ERC1: variants seen among roughly 807,000 people sequenced by gnomAD.
The protein encoded by ERC1 is RAB6 interacting protein 2.
In ERC1, 56 loss-of-function variants were observed where a neutral mutation model predicts 132.0. That is an observed-to-expected ratio of 0.42 (90% CI 0.34 to 0.53). The LOEUF (loss-of-function observed/expected upper bound fraction) is 0.53, where lower values mean the gene tolerates loss of function less well. Among genes scored for constraint, ERC1 ranks in the 20% least tolerant of loss-of-function variants. The pLI, the probability that ERC1 is intolerant of heterozygous loss-of-function variation, is 0.03. For synonymous variants in ERC1, 478 were observed against 476.1 expected (o/e 1.00, Z -0.05); for missense variants, 1,202 against 1,349.9 (o/e 0.89, Z 1.72).
In ERC1 at chr12:1,182,048, G is replaced by A. The variant is rs1039473470; in HGVS notation, c.1999G>A (p.Asp667Asn). Residue 667 changes from aspartate (D) to asparagine (N), a missense_variant, in exon 10 of 19, where the codon GAC becomes AAC. Physicochemically the swap from Asp to Asn is conservative, Grantham distance 23. Transcript: ENST00000360905. ...GGAAAAAGTCAGCCTGTTGCAAGGCGACCTTTCAGAGAAAGAGGTTAAGCT... is the reference window on the plus strand; with the variant it reads ...GGAAAAAGTCAGCCTGTTGCAAGGCAACCTTTCAGAGAAAGAGGTTAAGCT... Reference protein sequence around the residue: ...LKEKVSLLQGDLSEKEASLLD... With the variant: ...LKEKVSLLQGNLSEKEASLLD... The A allele has an allele frequency of 8.1e-6, 13 of 1,613,708 alleles. No individual in the cohort carries two copies. The East Asian group carries it at 8.9e-5, about 11-fold the overall frequency.
chr12:1,361,691 G>A (rs1303760551), intron 15 of ERC1, among the ~76,000 whole-genome samples: 1 of 152,156 alleles, frequency 6.6e-6, no homozygotes, highest in Non-Finnish European at 1.5e-5. Context: ...GTGCCTCCAG[G>A]AAAGCAAAAC....
intron 3 of ERC1, among the ~76,000 whole-genome samples, chr12:1,100,752 G>A (rs796822604): frequency 1.5e-4 from 23 of 152,240 alleles, no homozygotes; most frequent in African/African-American, 5.3e-4. Context: ...TAACAGTGGG[G>A]CAGATATTTG....
At chr12:1,166,332 G>GTGCCTTCCAAGCAAGTCACATGGTGGCT (rs1405461459) in intron 8 of ERC1, among the ~76,000 whole-genome samples, 1 of 152,116 alleles carries the variant, frequency 6.6e-6, no homozygotes, top group Non-Finnish European at 1.5e-5. Flanking sequence ...TCTTTGCCTT[G>GTGCCTTCCAAGCAAGTCACATGGTGGCT]TGCCTTCCAA....
intron 15 of ERC1, among the ~76,000 whole-genome samples, chr12:1,353,772 T>C (rs2085262316): frequency 6.6e-6 from 1 of 152,238 alleles, no homozygotes; most frequent in Non-Finnish European, 1.5e-5. Flanking sequence ...ACTTGTTTAC[T>C]GCTGTTTACT....
intron 15 of ERC1, among the ~76,000 whole-genome samples, chr12:1,319,873 T>C (rs775210269): frequency 1.3e-5 from 2 of 152,108 alleles, no homozygotes; most frequent in African/African-American, 4.8e-5. Flanking sequence ...ATGATAGAAA[T>C]GGAATAGCAT....
At chr12:1,285,418 T>A (rs552390802) in intron 14 of ERC1, among the ~76,000 whole-genome samples, 1 of 151,868 alleles carries the variant, frequency 6.6e-6, no homozygotes, top group Non-Finnish European at 1.5e-5. Context: ...ACCAAGAAAG[T>A]CAGCTGGTCT....
intron 12 of ERC1, among the ~76,000 whole-genome samples, chr12:1,219,073 A>G (rs1014240740): frequency 2.0e-5 from 3 of 151,896 alleles, no homozygotes; most frequent in African/African-American, 7.3e-5. Context: ...GGATTTCACC[A>G]TATTGGCCAG....
chr12:1,315,621 T>G (rs2081635268), intron 15 of ERC1, among the ~76,000 whole-genome samples: 1 of 152,124 alleles, frequency 6.6e-6, no homozygotes, highest in African/African-American at 2.4e-5. Flanking sequence ...GGTGGGCGGA[T>G]CTACAGGATT....
Position 1,145,200 on chromosome 12 carries a change from C to T in ERC1, c.1737+3413C>T, listed in dbSNP as rs1433100117. Reference sequence around the variant, plus strand: ...CCCCACTAATTTTTGCATTTTTAGTCGAGACGGGGTTTCACCATGTTGGCC... The same window carrying T: ...CCCCACTAATTTTTGCATTTTTAGTTGAGACGGGGTTTCACCATGTTGGCC... On this transcript the variant is annotated intron_variant, in intron 8 of 18. Coordinates refer to ENST00000360905, the MANE Select transcript of ERC1 (RefSeq NM_178040.4). 2.6e-5 allele frequency among the ~76,000 whole-genome samples: 4 copies of T among 151,362 alleles called. No homozygotes were observed. The South Asian group carries it at 6.3e-4, about 24-fold the overall frequency.
At chr12:1,323,746 A>C (rs1268819251) in intron 15 of ERC1, among the ~76,000 whole-genome samples, 1 of 152,194 alleles carries the variant, frequency 6.6e-6, no homozygotes, top group East Asian at 1.9e-4. Context: ...CCACACTCCA[A>C]AATAGAAAAG....
intron 18 of ERC1, among the ~76,000 whole-genome samples, chr12:1,474,828 C>T (rs1565510561): frequency 1.3e-5 from 2 of 152,174 alleles, no homozygotes; most frequent in Non-Finnish European, 2.9e-5. Flanking sequence ...GAAATGTTCC[C>T]GCTCTGCTGA....
At chr12:1,391,408 T>TC (rs1445892691) in intron 16 of ERC1, 1 of 152,692 alleles carries the variant, frequency 6.5e-6, no homozygotes, top group African/African-American at 2.4e-5. Flanking sequence ...TAGGAAGGCC[T>TC]CCACTAACAC....
chr12:1,053,565 C>T, intron 2 of ERC1, among the ~76,000 whole-genome samples: 1 of 152,180 alleles, frequency 6.6e-6, no homozygotes, highest in Admixed American at 6.5e-5. Flanking sequence ...CATGAAAATC[C>T]TTGTATAGCT....
rs11829753 is a variant in ERC1 at position 1,492,013 on chromosome 12, C to T, written c.*1783C>T. 22,508 of 232,830 alleles carry T rather than the reference C, an allele frequency of 0.097. 2,936 individuals carry two copies. The highest frequency in any genetic ancestry group is 0.35 in the African/African-American group (15,701 of 45,294). The allele number at this position is 232,830 out of a possible 1,614,324, so 14.4% of individuals were successfully genotyped here. On this transcript the variant is annotated 3_prime_UTR_variant, in exon 19 of 19. Coordinates refer to ENST00000360905, the MANE Select transcript of ERC1 (RefSeq NM_178040.4). ...TTTAAAGTCTGTAGAGTCAGCACAG[C>T]CCCATCAGTCCAGGAACTTCCCACC...
chr12:1,072,634 A>C (rs1391744444), intron 2 of ERC1, among the ~76,000 whole-genome samples: 6 of 152,124 alleles, frequency 3.9e-5, no homozygotes, highest in Non-Finnish European at 8.8e-5. Context: ...TTCTCTATGC[A>C]AGTTTTATCA....
At chr12:1,438,858 G>A (rs963609626) in intron 17 of ERC1, among the ~76,000 whole-genome samples, 3 of 151,896 alleles carry the variant, frequency 2.0e-5, no homozygotes, top group South Asian at 2.1e-4. Flanking sequence ...TAGGAGAATC[G>A]CTGAGCCCAG....
chr12:1,484,494 C>T (rs1004230867), intron 18 of ERC1, among the ~76,000 whole-genome samples: 6 of 152,108 alleles, frequency 3.9e-5, no homozygotes, highest in Admixed American at 1.3e-4. Flanking sequence ...TCCCACAGGT[C>T]GTTGCTCTGC....
chr12:1,140,052 T>C (rs920636143), intron 7 of ERC1, among the ~76,000 whole-genome samples: 3 of 152,100 alleles, frequency 2.0e-5, no homozygotes, highest in Non-Finnish European at 4.4e-5. Context: ...AAATGGGAGC[T>C]CAAATGATTA....
At chr12:1,368,625 A>G (rs1420754468) in intron 15 of ERC1, among the ~76,000 whole-genome samples, 2 of 152,168 alleles carry the variant, frequency 1.3e-5, no homozygotes, top group East Asian at 3.8e-4. Context: ...CGTATTCCCT[A>G]AAAGTCTTTG....
Sources: allele counts gnomAD v4.1 joint callset (sites outside exome capture counted in the v4.1 genomes callset), GRCh38; gene constraint gnomAD v4.1.1; transcripts MANE v1.5; gene names NCBI Gene and HGNC (gene_info 2026-07-23, HGNC 2026-07-21).